DHRSX: variants seen among roughly 807,000 people sequenced by gnomAD.
The protein encoded by DHRSX is polyprenol dehydrogenase.
In DHRSX, 31 loss-of-function variants were observed where a neutral mutation model predicts 34.0. That is an observed-to-expected ratio of 0.91 (90% confidence interval 0.69 to 1.23). DHRSX has a LOEUF of 1.23. DHRSX is among the 50% of genes most tolerant of loss of function. The pLI is 0.00. For missense variants in DHRSX, 414 were observed against 428.1 expected, an observed-to-expected ratio of 0.97 and a Z score of 0.29; for synonymous variants, 201 against 183.8, an observed-to-expected ratio of 1.09 and a Z score of -0.76.
In DHRSX at chrX:2,314,469, A is replaced by AGAAGGAAGGAAGGAAG. The variant is rs1307048568; in HGVS notation, c.287-22882_287-22867dup. Among the ~76,000 whole-genome samples, 3 of 19,712 alleles carry AGAAGGAAGGAAGGAAG rather than the reference A, an allele frequency of 1.5e-4. 1 individual carries two copies. Among genetic ancestry groups the AGAAGGAAGGAAGGAAG allele is most frequent in the Admixed American group, 1.5e-3 (3 of 1,992 alleles). The allele number at this position is 19,712 out of a possible 152,430, so 12.9% of individuals were successfully genotyped here. A position where few individuals can be genotyped will look rare whatever the true frequency, so the allele number is the denominator to read the frequency against. On this transcript the variant is annotated intron_variant, in intron 3 of 6. Transcript: ENST00000334651. Reference sequence around the variant, plus strand: ...AGGGGAGAAGGGAGGAAGGAAGGGGAGAAGGAAGGAAGGAAGGAAGGGAGG... The same window carrying AGAAGGAAGGAAGGAAG: ...AGGGGAGAAGGGAGGAAGGAAGGGGAGAAGGAAGGAAGGAAGGAAGGAAGGAAGGAAGGAAGGGAGG...
chrX:2,355,875 G>A (rs1166265881), intron 3 of DHRSX, among the ~76,000 whole-genome samples: 1 of 151,966 alleles, frequency 6.6e-6, no homozygotes, highest in Admixed American at 6.6e-5. Context: ...AGACCACCCA[G>A]GCCAACATGG....
chrX:2,426,553 C>T (rs2043850851), intron 1 of DHRSX, among the ~76,000 whole-genome samples: 1 of 142,768 alleles, frequency 7.0e-6, no homozygotes, highest in African/African-American at 2.6e-5. Context: ...TTCTTTCCTT[C>T]CTTCCTTCCC....
intron 4 of DHRSX, among the ~76,000 whole-genome samples, chrX:2,284,988 A>G (rs1315571286): frequency 6.6e-6 from 1 of 152,170 alleles, no homozygotes; most frequent in African/African-American, 2.4e-5. Flanking sequence ...GCTGTTTTCC[A>G]TGAGACTTGA....
chrX:2,272,921 G>A (rs1398390450), intron 4 of DHRSX, among the ~76,000 whole-genome samples: 1 of 152,156 alleles, frequency 6.6e-6, no homozygotes. Context: ...TCATTTGTTC[G>A]ATCCAGCAAT....
intron 3 of DHRSX, among the ~76,000 whole-genome samples, chrX:2,349,838 A>G (rs2042766370): frequency 1.4e-5 from 2 of 145,302 alleles, no homozygotes; most frequent in African/African-American, 2.5e-5. Context: ...TCAGATCGAG[A>G]CCATCCTGGC....
At chrX:2,500,320 G>T (rs1603192269) in intron 1 of DHRSX, 1 of 188,586 alleles carries the variant, frequency 5.3e-6, no homozygotes, top group Non-Finnish European at 1.1e-5. Context: ...CCCTGGGGTG[G>T]GTAGGGGTCG....
intron 3 of DHRSX, among the ~76,000 whole-genome samples, chrX:2,369,549 T>C (rs2043033028): frequency 6.6e-6 from 1 of 152,016 alleles, no homozygotes; most frequent in Admixed American, 6.6e-5. Context: ...CAGGCTGGAG[T>C]GCAGTGGCAC....
chrX:2,243,788 G>GTTTTTTGTTTTTTT (rs2016203426), intron 5 of DHRSX, among the ~76,000 whole-genome samples: 1 of 25,168 alleles, frequency 4.0e-5, no homozygotes, highest in East Asian at 1.9e-3. Flanking sequence ...TATGCTCCCT[G>GTTTTTTGTTTTTTT]TTTTTTTTTT....
At chrX:2,318,371 T>C (rs755649013) in intron 3 of DHRSX, among the ~76,000 whole-genome samples, 1 of 151,590 alleles carries the variant, frequency 6.6e-6, no homozygotes, top group East Asian at 1.9e-4. Context: ...AAAGATACCC[T>C]TCCAGCCAGA....
rs192037897 is a variant in DHRSX at position 2,474,029 on chromosome X, C to G, written c.109+26788G>C. Among the ~76,000 whole-genome samples the G allele has an allele frequency of 2.0e-5, 3 of 151,754 alleles. No homozygotes were observed. In the East Asian group the frequency reaches 5.8e-4, roughly 29 times the overall value. ...GGTGCAGAGAGGAGCAGGCTGGCTG[C>G]GTCTCTCACTGTGCCTGGGATGGGC... is the stretch of plus-strand genomic sequence containing the variant. On this transcript the variant is annotated intron_variant, in intron 1 of 6. Transcript: ENST00000334651.
Position 2,356,479 on chromosome X carries a change from T to C in DHRSX, c.286+52266A>G, listed in dbSNP as rs773940784. 1.1e-4 allele frequency among the ~76,000 whole-genome samples: 17 copies of C among 152,192 alleles called. No homozygotes were observed. In the East Asian group the frequency reaches 1.5e-3, roughly 14 times the overall value. On this transcript the variant is annotated intron_variant, in intron 3 of 6. Coordinates refer to ENST00000334651, the MANE Select transcript of DHRSX (RefSeq NM_145177.3). ...AGAAAAAGATGATGACATGAAGTGA[T>C]TGGAGAAAAGAACATGAAAGAGAAG...
chrX:2,411,030 G>A (rs745689811), intron 2 of DHRSX, among the ~76,000 whole-genome samples: 1 of 152,232 alleles, frequency 6.6e-6, no homozygotes, highest in Non-Finnish European at 1.5e-5. Context: ...GTTTCGACGG[G>A]AGGGAGAGGA....
chrX:2,396,181 C>T (rs2043406971), intron 3 of DHRSX, among the ~76,000 whole-genome samples: 1 of 151,992 alleles, frequency 6.6e-6, no homozygotes, highest in Non-Finnish European at 1.5e-5. Context: ...CCTACAAGGA[C>T]AGCTATCATT....
intron 1 of DHRSX, among the ~76,000 whole-genome samples, chrX:2,455,983 C>G (rs931506089): frequency 2.7e-4 from 41 of 152,028 alleles, no homozygotes; most frequent in Non-Finnish European, 5.9e-4. Context: ...AATAAGACAC[C>G]TGGCTCCGTC....
chrX:2,411,410 A>T (rs1023785417), intron 2 of DHRSX, among the ~76,000 whole-genome samples: 5 of 151,918 alleles, frequency 3.3e-5, no homozygotes, highest in African/African-American at 1.2e-4. Flanking sequence ...TTAGATGGGC[A>T]TGGTGATGTG....
Position 2,425,300 on chromosome X carries a change from G to T in DHRSX, c.114C>A (p.Phe38Leu). The change falls in exon 2 of 7, where the codon TTC becomes TTA. Residue 38 changes from phenylalanine to leucine, a missense_variant. By Grantham distance (22) the Phe-to-Leu change is conservative. Transcript: ENST00000334651. ...TAGCGACACGGTCAGGTCGTGGGGG[G>T]AAAACTGAAAAAGAAGAAGAGAAAA... ...RCRGGFLEPV[F>L]PPRPDRVAIV... 2 of 1,611,118 alleles carry T rather than the reference G, an allele frequency of 1.2e-6. No homozygotes were observed. The highest frequency in any genetic ancestry group is 1.7e-6 in the Non-Finnish European group (2 of 1,178,150).
intron 1 of DHRSX, chrX:2,500,165 A>G (rs1569352189): frequency 6.6e-6 from 1 of 152,362 alleles, no homozygotes; most frequent in Non-Finnish European, 1.5e-5. Flanking sequence ...TGTGACTCAG[A>G]GATGTTTACA....
At chrX:2,325,301 A>G (rs926530827) in intron 3 of DHRSX, among the ~76,000 whole-genome samples, 2 of 152,064 alleles carry the variant, frequency 1.3e-5, no homozygotes, top group South Asian at 2.1e-4. Flanking sequence ...ACTAGGGACT[A>G]GACACGTTCA....
intron 2 of DHRSX, among the ~76,000 whole-genome samples, chrX:2,422,342 A>C (rs1453968463): frequency 6.6e-6 from 1 of 152,092 alleles, no homozygotes; most frequent in East Asian, 1.9e-4. Flanking sequence ...GGTTCACTGC[A>C]ACCTCCGGCT....
Sources: allele counts gnomAD v4.1 joint callset (sites outside exome capture counted in the v4.1 genomes callset), GRCh38; gene constraint gnomAD v4.1.1; transcripts MANE v1.5; gene names NCBI Gene and HGNC (gene_info 2026-07-23, HGNC 2026-07-21).